Variants in MAPRE2 observed in about 807,000 individuals in gnomAD.
MAPRE2 encodes microtubule associated protein RP/EB family member 2.
Under a neutral mutation model 43.2 loss-of-function variants are expected in MAPRE2, and 13 were observed. That is an observed-to-expected ratio of 0.30 (90% CI 0.20 to 0.48). MAPRE2 has a LOEUF of 0.48. Ranked by LOEUF, MAPRE2 falls within the 20% of genes least tolerant of loss-of-function variation. The pLI is 0.99. For missense variants in MAPRE2, 161 were observed against 400.2 expected, an observed-to-expected ratio of 0.40 and a Z score of 5.10; for synonymous variants, 135 against 148.8, an observed-to-expected ratio of 0.91 and a Z score of 0.68.
intron 1 of MAPRE2, among the ~76,000 whole-genome samples, chr18:34,997,676 C>T (rs1161511718): frequency 2.0e-5 from 3 of 152,044 alleles, no homozygotes; most frequent in African/African-American, 7.2e-5. Context: ...ATTAGCCTGG[C>T]GTGGTGGCAG....
chr18:35,093,389 C>T (rs568383339), intron 2 of MAPRE2, among the ~76,000 whole-genome samples: 8 of 152,034 alleles, frequency 5.3e-5, no homozygotes, highest in African/African-American at 1.2e-4. Context: ...ATAGAACTAC[C>T]GTATGATCCA....
chr18:35,015,633 A>G (rs1192577204), intron 2 of MAPRE2, among the ~76,000 whole-genome samples: 1 of 134,794 alleles, frequency 7.4e-6, no homozygotes, highest in Non-Finnish European at 1.6e-5. Context: ...TAGGGATGGC[A>G]GTGTGTGTGT....
chr18:35,076,612 T>C (rs1907369651), intron 2 of MAPRE2, among the ~76,000 whole-genome samples: 1 of 152,206 alleles, frequency 6.6e-6, no homozygotes, highest in Admixed American at 6.5e-5. Context: ...ACAGGGACTC[T>C]AGTCAGTAAA....
intron 2 of MAPRE2, among the ~76,000 whole-genome samples, chr18:35,034,032 C>A (rs1039899188): frequency 4.6e-5 from 7 of 151,818 alleles, no homozygotes; most frequent in African/African-American, 1.7e-4. Context: ...TCATATGGAA[C>A]CAAAAAAGAG....
intron 2 of MAPRE2, among the ~76,000 whole-genome samples, chr18:35,034,591 A>G (rs1342987933): frequency 2.0e-5 from 3 of 152,270 alleles, no homozygotes; most frequent in African/African-American, 7.2e-5. Context: ...AAAATGGGAG[A>G]AAATTTTCGC....
chr18:35,048,539 T>C (rs1315398173), intron 1 of MAPRE2, among the ~76,000 whole-genome samples: 1 of 150,290 alleles, frequency 6.7e-6, no homozygotes, highest in African/African-American at 2.4e-5. Context: ...ATATACTACA[T>C]ATACTATATT....
chr18:35,019,322 T>C (rs2097040495), intron 2 of MAPRE2, among the ~76,000 whole-genome samples: 1 of 152,034 alleles, frequency 6.6e-6, no homozygotes, highest in African/African-American at 2.4e-5. Context: ...AGTGGAGTAT[T>C]CTGTAGCTGT....
At chr18:35,047,144 AGT>A (rs931732442) in intron 1 of MAPRE2, among the ~76,000 whole-genome samples, 6 of 152,154 alleles carry the variant, frequency 3.9e-5, no homozygotes, top group African/African-American at 1.2e-4. Context: ...TACCCTAAAT[AGT>A]GTGTGTGTGT....
rs2097024797 is a variant in MAPRE2, at chr18:34,993,380, G to A, written c.-69-12112G>A. On this transcript the variant is annotated intron_variant, in intron 1 of 7. Coordinates refer to the MAPRE2 transcript ENST00000413393. ...TGCCTTCCAAAGTGTTGGGATTACA[G>A]GCATGAGCCATTGTGCCTGGCCCAG... Among the ~76,000 whole-genome samples, 4 of 151,544 alleles carry A rather than the reference G, an allele frequency of 2.6e-5. No individual in the cohort carries two copies. The South Asian group carries it at 8.3e-4, about 32-fold the overall frequency.
At chr18:35,030,010 C>T (rs543456903) in intron 2 of MAPRE2, among the ~76,000 whole-genome samples, 2 of 152,340 alleles carry the variant, frequency 1.3e-5, no homozygotes, top group South Asian at 2.1e-4. Flanking sequence ...ATGGACATTG[C>T]TAGCTGACGC....
intron 2 of MAPRE2, among the ~76,000 whole-genome samples, chr18:35,016,779 C>A (rs1033264464): frequency 1.3e-5 from 2 of 151,984 alleles, no homozygotes; most frequent in African/African-American, 4.8e-5. Context: ...TTGATAGTTT[C>A]TTCTGCTGTG....
intron 1 of MAPRE2, among the ~76,000 whole-genome samples, chr18:35,001,726 TC>T (rs1034371789): frequency 6.6e-6 from 1 of 152,078 alleles, no homozygotes; most frequent in African/African-American, 2.4e-5. Context: ...GTTTTTTTTT[TC>T]TTGGATCTGT....
At chr18:35,045,444 T>TA (rs35973215) in intron 1 of MAPRE2, among the ~76,000 whole-genome samples, 62,485 of 150,904 alleles carry the variant, frequency 0.41, 13,452 homozygotes, top group Middle Eastern at 0.51. Flanking sequence ...CTGAATACTT[T>TA]AAAAAAAAAA....
intron 2 of MAPRE2, among the ~76,000 whole-genome samples, chr18:35,076,320 G>T (rs1326609796): frequency 2.6e-5 from 4 of 152,182 alleles, no homozygotes; most frequent in Non-Finnish European, 5.9e-5. Flanking sequence ...ACCACACTGT[G>T]GTAAGTGCTG....
chr18:34,985,697 G>A (rs552111888), intron 1 of MAPRE2, among the ~76,000 whole-genome samples: 35 of 95,032 alleles, frequency 3.7e-4, no homozygotes, highest in African/African-American at 1.1e-3. Context: ...TATAATATGT[G>A]ATATATAAAT....
In MAPRE2 at chr18:35,139,686, G is replaced by C. The variant is rs556956886; in HGVS notation, c.910-609G>C. Among the ~76,000 whole-genome samples the C allele has an allele frequency of 1.4e-4, 21 of 152,328 alleles. No homozygotes were observed. In the East Asian group the frequency reaches 1.5e-3, roughly 11 times the overall value. On this transcript the variant is annotated intron_variant, in intron 6 of 6. Coordinates refer to ENST00000300249, the MANE Select transcript of MAPRE2 (RefSeq NM_014268.4). ...TTGCCTGGGACAACCCATGAAATGT[G>C]GCTGCTGTCCTTTCCTTAGCCTGGG... is the stretch of plus-strand genomic sequence containing the variant.
At chr18:35,124,681 C>A (rs1465267586) in intron 4 of MAPRE2, among the ~76,000 whole-genome samples, 1 of 152,166 alleles carries the variant, frequency 6.6e-6, no homozygotes, top group Non-Finnish European at 1.5e-5. Flanking sequence ...TGTTAGACTT[C>A]CTTTATATTA....
rs67933808 is a variant in MAPRE2, at chr18:34,998,772, A to ATTT, written c.-69-6694_-69-6692dup. Among the ~76,000 whole-genome samples, 69 of 93,722 alleles carry ATTT rather than the reference A, an allele frequency of 7.4e-4. 2 individuals carry two copies. The highest frequency in any genetic ancestry group is 1.8e-3 in the African/African-American group (36 of 20,170). 61.5% of individuals were successfully genotyped at this position (93,722 alleles called of 152,430 possible). On this transcript the variant is annotated intron_variant, in intron 1 of 7. Transcript: ENST00000413393. ...GCCACTGAGCCTGGCCGAAGTTGCA[A>ATTT]TTTTTTTTTTTTTTTTTTTTTTTTT...
At chr18:35,132,851 A>G (rs1910220448) in intron 6 of MAPRE2, among the ~76,000 whole-genome samples, 1 of 152,200 alleles carries the variant, frequency 6.6e-6, no homozygotes, top group Non-Finnish European at 1.5e-5. Context: ...AAGGAGAGAA[A>G]GCGGGGCAGG....
Sources: gnomAD v4.1 joint callset for allele counts (sites outside exome capture counted in the v4.1 genomes callset) on GRCh38, gnomAD v4.1.1 for gene constraint, MANE v1.5 for transcripts, NCBI Gene and HGNC (gene_info 2026-07-23, HGNC 2026-07-21) for gene names.